SLC4A1AP: variants seen among roughly 807,000 people sequenced by gnomAD.
The protein encoded by SLC4A1AP is solute carrier family 4 member 1 adaptor protein, also known as kanadaptin.
A neutral mutation model predicts 89.7 loss-of-function variants in SLC4A1AP; 64 were observed. The ratio of observed to expected loss-of-function variants is 0.71; its 90% CI spans 0.58 to 0.88. SLC4A1AP has a LOEUF of 0.88. Ranked by LOEUF, SLC4A1AP falls within the 40% of genes least tolerant of loss-of-function variation. SLC4A1AP has a pLI of 0.00. For missense variants in SLC4A1AP, 931 were observed against 965.0 expected (o/e 0.96, Z 0.47); for synonymous variants, 366 against 353.3 (o/e 1.04, Z -0.40).
rs201260663 is a variant in SLC4A1AP, at chr2:27,672,364, G to A, written c.1345+2977G>A. On this transcript the variant is annotated intron_variant, in intron 5 of 13. Coordinates refer to ENST00000613058, the Ensembl canonical transcript of SLC4A1AP. ...GAGATTTCTGCACCTTTATCTTTCT[G>A]TCTTCTCTATTTTGCCATCAAGGTT... Among the ~76,000 whole-genome samples the A allele has an allele frequency of 6.0e-5, 9 of 150,362 alleles. No individual in the cohort carries two copies. The East Asian group carries it at 1.8e-3, about 29-fold the overall frequency.
chr2:27,688,859 G>A lies in SLC4A1AP; in HGVS notation c.2271+92G>A, dbSNP rs1675746912. On this transcript the variant is annotated intron_variant, in intron 12 of 13. Coordinates refer to ENST00000613058, the Ensembl canonical transcript of SLC4A1AP. ...AATCTTTGGAGACTGACTTAACAGA[G>A]TTCCCAGCAGCCTTATTCCCCTCTC... The A allele has an allele frequency of 5.5e-6, 5 of 914,128 alleles. No individual in the cohort carries two copies. The South Asian group carries it at 8.6e-5, about 16-fold the overall frequency. The allele number at this position is 914,128 out of a possible 1,614,324, so 56.6% of individuals were successfully genotyped here. A position where few individuals can be genotyped will look rare whatever the true frequency, so the allele number is the denominator to read the frequency against.
At chr2:27,669,052 T>C in intron 4 of SLC4A1AP, 149 bp downstream of exon 4, 1 of 1,002,770 alleles carries the variant, frequency 1.0e-6, no homozygotes, top group Admixed American at 2.3e-5. Flanking sequence ...AACCCTTATA[T>C]TATTGGAGAG....
intron 5 of SLC4A1AP, among the ~76,000 whole-genome samples, chr2:27,669,844 C>T (rs1446943916): frequency 6.6e-6 from 1 of 152,012 alleles, no homozygotes; most frequent in Non-Finnish European, 1.5e-5. Flanking sequence ...GTTGCACCAC[C>T]CTGCACAACT....
intron 6 of SLC4A1AP, 25 bp downstream of exon 6, chr2:27,675,717 T>C (rs779583639): frequency 1.3e-6 from 2 of 1,520,630 alleles, no homozygotes; most frequent in Admixed American, 4.0e-5. Flanking sequence ...TGGAAGTAGC[T>C]GTGGTATTTA....
intron 3 of SLC4A1AP, among the ~76,000 whole-genome samples, chr2:27,668,375 C>T (rs553860372): frequency 5.9e-5 from 9 of 152,250 alleles, no homozygotes; most frequent in Non-Finnish European, 1.3e-4. Flanking sequence ...TGGTCTCGAT[C>T]TCCTGACCTC....
intron 5 of SLC4A1AP, among the ~76,000 whole-genome samples, chr2:27,673,253 C>T (rs775151349): frequency 6.6e-6 from 1 of 152,066 alleles, no homozygotes; most frequent in South Asian, 2.1e-4. Flanking sequence ...AGTTTCTACT[C>T]ATCTGTCTAC....
At chr2:27,687,905 A>G (rs1311734866) in intron 10 of SLC4A1AP, 29 bp from the exon 11 acceptor site, 25 of 1,529,120 alleles carry the variant, frequency 1.6e-5, no homozygotes, top group Non-Finnish European at 2.2e-5. Context: ...TTAAATCATG[A>G]CAATATGATT....
chr2:27,668,659 A>G (rs753792401), intron 3 of SLC4A1AP, 184 bp from the exon 4 acceptor site: 2 of 700,514 alleles, frequency 2.9e-6, no homozygotes, highest in Non-Finnish European at 5.2e-6. Flanking sequence ...CATGTTGCAC[A>G]GACTGGTTTC....
At position 27,675,561 on chromosome 2, in the gene SLC4A1AP, G is replaced by T; in HGVS notation, c.1375G>T (p.Glu459Ter). The change falls in exon 6 of 14, where the codon GAA becomes TAA. Residue 459 changes from glutamate (E) to a stop codon, truncating the protein, a stop_gained. Coordinates refer to ENST00000613058, the Ensembl canonical transcript of SLC4A1AP. LOFTEE classifies it high-confidence loss of function. ...TCGGAAAAGGAAAGCCAAGAACTGGGAAGATGAAGACTTTTATGATAGTGA... is the reference window on the plus strand; with the variant it reads ...TCGGAAAAGGAAAGCCAAGAACTGGTAAGATGAAGACTTTTATGATAGTGA... 6.3e-7 allele frequency: 1 copy of T among 1,596,972 alleles called. No homozygotes were observed. The highest frequency in any genetic ancestry group is 8.5e-7 in the Non-Finnish European group (1 of 1,170,604).
chr2:27,672,924 C>T (rs1266079192), intron 5 of SLC4A1AP, among the ~76,000 whole-genome samples: 2 of 152,132 alleles, frequency 1.3e-5, no homozygotes, highest in Non-Finnish European at 2.9e-5. Flanking sequence ...GGCTGAGTGG[C>T]TTCTCATTCA....
intron 12 of SLC4A1AP, chr2:27,692,835 A>G (rs1225926770): frequency 6.6e-6 from 1 of 152,074 alleles, no homozygotes; most frequent in Non-Finnish European, 1.5e-5. Context: ...TTCCATTTGT[A>G]TGGAATATCT....
In SLC4A1AP at chr2:27,667,369, CA is replaced by C; in HGVS notation, c.1125del (p.Gly376AlafsTer10). On this transcript the variant is annotated frameshift_variant, in exon 3 of 14. Transcript: ENST00000613058. LOFTEE classifies it high-confidence loss of function. ...TATAAAGGATCCCAAAAAGGCTCTC[CA>C]AGGCTTTTTTGACCGAGAAGGTATG... is the stretch of plus-strand genomic sequence containing the variant. 6.2e-7 allele frequency: 1 copy of C among 1,612,802 alleles called. No individual in the cohort carries two copies.
At chr2:27,672,537 T>C (rs979078821) in intron 5 of SLC4A1AP, among the ~76,000 whole-genome samples, 2 of 152,176 alleles carry the variant, frequency 1.3e-5, no homozygotes, top group Non-Finnish European at 2.9e-5. Flanking sequence ...TCTTGTTTCA[T>C]GGGTTGTAAA....
chr2:27,664,038 A>G, exon 1 of SLC4A1AP: 1 of 1,614,228 alleles, frequency 6.2e-7, no homozygotes, highest in Non-Finnish European at 8.5e-7. Context: ...CAGTTCTTCA[A>G]ACCCTGAGGA....
At chr2:27,688,006 G>A (rs763419647) in exon 11 of SLC4A1AP, 2 of 1,613,736 alleles carry the variant, frequency 1.2e-6, no homozygotes, top group Admixed American at 1.7e-5. Context: ...ACTTCATTGT[G>A]CGCAGGACCC....
At chr2:27,665,063 A>G in intron 1 of SLC4A1AP, 37 bp from the exon 2 acceptor site, 2 of 1,539,880 alleles carry the variant, frequency 1.3e-6, no homozygotes, top group Non-Finnish European at 1.8e-6. Context: ...CCCTGTCTCT[A>G]AATAAATAAA....
intron 10 of SLC4A1AP, 29 bp downstream of exon 10, chr2:27,685,306 G>T: frequency 6.3e-7 from 1 of 1,580,382 alleles, no homozygotes; most frequent in East Asian, 2.2e-5. Context: ...TTCCTGTGTT[G>T]TTCAGTGGGC....
intron 2 of SLC4A1AP, 74 bp downstream of exon 2, chr2:27,665,369 A>G: frequency 7.7e-7 from 1 of 1,305,246 alleles, no homozygotes; most frequent in South Asian, 1.5e-5. Flanking sequence ...ATGTTTTTTT[A>G]AATCATACAG....
chr2:27,677,509 A>G (rs1331637660), intron 7 of SLC4A1AP, 145 bp downstream of exon 7: 2 of 683,432 alleles, frequency 2.9e-6, no homozygotes, highest in East Asian at 5.5e-5. Context: ...TAGAAAGAAC[A>G]TTATAAATCA....
Sources: gnomAD v4.1 joint callset for allele counts (sites outside exome capture counted in the v4.1 genomes callset) on GRCh38, gnomAD v4.1.1 for gene constraint, MANE v1.5 for transcripts, NCBI Gene and HGNC (gene_info 2026-07-23, HGNC 2026-07-21) for gene names.